Variants in GRID2 observed in about 807,000 individuals in gnomAD.
The protein encoded by GRID2 is glutamate receptor ionotropic, delta-2.
A neutral mutation model predicts 114.8 loss-of-function variants in GRID2; 33 were observed. The observed-to-expected ratio is 0.29, with a 90% confidence interval of 0.22 to 0.38. GRID2 has a LOEUF of 0.38. Ranked by LOEUF, GRID2 falls within the 10% of genes least tolerant of loss-of-function variation. The pLI is 1.00. For synonymous variants in GRID2, 505 were observed against 449.9 expected, an observed-to-expected ratio of 1.12 and a Z score of -1.55; for missense variants, 1,184 against 1,257.7, an observed-to-expected ratio of 0.94 and a Z score of 0.89.
intron 2 of GRID2, among the ~76,000 whole-genome samples, chr4:92,974,377 C>T (rs1283410948): frequency 6.6e-6 from 1 of 152,048 alleles, no homozygotes; most frequent in Non-Finnish European, 1.5e-5. Flanking sequence ...ACGATAAAGA[C>T]ACATGTACAT....
At chr4:92,814,698 G>C (rs1740802572) in intron 2 of GRID2, among the ~76,000 whole-genome samples, 1 of 152,120 alleles carries the variant, frequency 6.6e-6, no homozygotes, top group Non-Finnish European at 1.5e-5. Context: ...TCCACAAGGA[G>C]ACTGCACATT....
chr4:93,562,575 T>C (rs1735031028), intron 13 of GRID2, among the ~76,000 whole-genome samples: 1 of 152,096 alleles, frequency 6.6e-6, no homozygotes, highest in Admixed American at 6.6e-5. Flanking sequence ...TTTTGGATTA[T>C]GCCTTTGGTA....
intron 2 of GRID2, among the ~76,000 whole-genome samples, chr4:92,631,767 T>C (rs1290771280): frequency 6.6e-6 from 1 of 152,158 alleles, no homozygotes; most frequent in Non-Finnish European, 1.5e-5. Flanking sequence ...TTTAGGATAT[T>C]GTCAAATCTT....
chr4:93,481,869 G>A (rs1725907518), intron 11 of GRID2, among the ~76,000 whole-genome samples: 1 of 151,918 alleles, frequency 6.6e-6, no homozygotes, highest in African/African-American at 2.4e-5. Flanking sequence ...GATCCCAGAG[G>A]GATTGCAGGC....
At chr4:92,701,329 A>C (rs574156578) in intron 2 of GRID2, among the ~76,000 whole-genome samples, 2 of 152,192 alleles carry the variant, frequency 1.3e-5, no homozygotes, top group Non-Finnish European at 2.9e-5. Flanking sequence ...CAAAGTTTTC[A>C]ATTTTAATCA....
chr4:92,314,070 G>T (rs1025006276), intron 1 of GRID2, among the ~76,000 whole-genome samples: 1 of 151,802 alleles, frequency 6.6e-6, no homozygotes, highest in Admixed American at 6.6e-5. Context: ...GATAGAAAAC[G>T]TTCAAATAGA....
At chr4:93,353,766 C>A (rs1761032585) in intron 8 of GRID2, among the ~76,000 whole-genome samples, 1 of 152,008 alleles carries the variant, frequency 6.6e-6, no homozygotes, top group Non-Finnish European at 1.5e-5. Context: ...GGAAACTCTG[C>A]TACTTGGGGC....
intron 2 of GRID2, among the ~76,000 whole-genome samples, chr4:92,605,655 A>G (rs993772232): frequency 2.6e-5 from 4 of 152,090 alleles, no homozygotes; most frequent in African/African-American, 9.7e-5. Flanking sequence ...AGGGAATAGC[A>G]TTCCAAGCTA....
chr4:93,122,890 G>GTTTTTTTTTTTTT (rs886185779), intron 4 of GRID2, among the ~76,000 whole-genome samples: 14 of 69,790 alleles, frequency 2.0e-4, no homozygotes, highest in African/African-American at 2.5e-4. Context: ...ACAGATGTGG[G>GTTTTTTTTTTTTT]TTTTTTTTTT....
intron 8 of GRID2, among the ~76,000 whole-genome samples, chr4:93,246,154 A>T (rs1748178605): frequency 6.6e-6 from 1 of 152,210 alleles, no homozygotes; most frequent in South Asian, 2.1e-4. Context: ...AGAAAATCTG[A>T]TGGTAAACAT....
At position 92,483,682 on chromosome 4, in the gene GRID2, A is replaced by G. The variant is rs1722723581; in HGVS notation, c.89-106449A>G. Among the ~76,000 whole-genome samples, 4 of 152,166 alleles carry G rather than the reference A, an allele frequency of 2.6e-5. No individual in the cohort carries two copies. In the South Asian group the frequency reaches 8.3e-4, roughly 32 times the overall value. On this transcript the variant is annotated intron_variant, in intron 1 of 15. Coordinates refer to ENST00000282020, the MANE Select transcript of GRID2 (RefSeq NM_001510.4). ...AGAATAGGATCTGGATGAAGTAGAT[A>G]CGGAAGGTGTAAGTAAGTTTGCCAA...
At chr4:93,375,214 CTTTT>C (rs373891256) in intron 8 of GRID2, among the ~76,000 whole-genome samples, 5 of 135,308 alleles carry the variant, frequency 3.7e-5, no homozygotes, top group Non-Finnish European at 3.1e-5. Flanking sequence ...CTTTTTTTCC[CTTTT>C]TTTTTTTTTT....
intron 11 of GRID2, among the ~76,000 whole-genome samples, chr4:93,489,054 G>A (rs1010681529): frequency 6.6e-6 from 1 of 151,940 alleles, no homozygotes; most frequent in Non-Finnish European, 1.5e-5. Flanking sequence ...CTTAATATGG[G>A]ACAAGGACTG....
At chr4:93,378,289 A>C (rs752574831) in intron 8 of GRID2, among the ~76,000 whole-genome samples, 8 of 152,282 alleles carry the variant, frequency 5.3e-5, no homozygotes, top group Non-Finnish European at 1.2e-4. Flanking sequence ...TGGTTTCCAC[A>C]TAAAGTAATG....
intron 1 of GRID2, among the ~76,000 whole-genome samples, chr4:92,383,254 C>T (rs1343323764): frequency 6.6e-6 from 1 of 151,930 alleles, no homozygotes; most frequent in Non-Finnish European, 1.5e-5. Context: ...GGTGGGGACA[C>T]AGCTCCAAAA....
At chr4:93,068,142 T>C (rs545656236) in intron 2 of GRID2, among the ~76,000 whole-genome samples, 1 of 152,192 alleles carries the variant, frequency 6.6e-6, no homozygotes, top group South Asian at 2.1e-4. Context: ...TAAATTCAAA[T>C]GCATTTTATG....
In GRID2 at chr4:92,577,066, G is replaced by C. The variant is rs190839657; in HGVS notation, c.89-13065G>C. Among the ~76,000 whole-genome samples the C allele has an allele frequency of 4.9e-4, 74 of 152,032 alleles. 1 individual carries two copies. The highest frequency in any genetic ancestry group is 3.7e-3 in the Admixed American group (56 of 15,266). ...AAATTCTCCATTTTGATTTTAATAG[G>C]CTTCAGAAGCATAGCATATTCGAAA... is the stretch of plus-strand genomic sequence containing the variant. On this transcript the variant is annotated intron_variant, in intron 1 of 15. Coordinates refer to ENST00000282020, the MANE Select transcript of GRID2 (RefSeq NM_001510.4).
At chr4:93,223,809 G>T (rs1056113298) in intron 6 of GRID2, among the ~76,000 whole-genome samples, 21 of 152,074 alleles carry the variant, frequency 1.4e-4, no homozygotes, top group African/African-American at 5.1e-4. Flanking sequence ...AGCACCTTTG[G>T]TGATTAATTG....
chr4:92,657,140 AAG>A (rs1474549254), intron 2 of GRID2, among the ~76,000 whole-genome samples: 1 of 151,406 alleles, frequency 6.6e-6, no homozygotes, highest in African/African-American at 2.4e-5. Flanking sequence ...TTGGGGAAGA[AAG>A]AGTGATTATT....
Sources: allele counts gnomAD v4.1 joint callset (sites outside exome capture counted in the v4.1 genomes callset), GRCh38; gene constraint gnomAD v4.1.1; transcripts MANE v1.5; gene names NCBI Gene and HGNC (gene_info 2026-07-23, HGNC 2026-07-21).